Variants in MAN2B1 observed in about 807,000 individuals in gnomAD.
MAN2B1 encodes lysosomal alpha-mannosidase.
MAN2B1 carries 99 observed loss-of-function variants against 127.5 expected under a neutral mutation model. The observed-to-expected ratio is 0.78, with a 90% confidence interval of 0.66 to 0.92. MAN2B1 has a LOEUF of 0.92. Ranked by LOEUF, MAN2B1 falls within the 40% of genes least tolerant of loss-of-function variation. The pLI, the probability that MAN2B1 is intolerant of heterozygous loss-of-function variation, is 0.00. For missense variants in MAN2B1, 1,304 were observed against 1,384.8 expected, an observed-to-expected ratio of 0.94 and a Z score of 0.93; for synonymous variants, 573 against 568.8, an observed-to-expected ratio of 1.01 and a Z score of -0.11.
At chr19:12,650,853 A>G (rs1287403238) in intron 16 of MAN2B1, among the ~76,000 whole-genome samples, 2 of 150,060 alleles carry the variant, frequency 1.3e-5, no homozygotes, top group Non-Finnish European at 2.9e-5. Flanking sequence ...TATTTTTAGT[A>G]GAGACGGGGT....
chr19:12,657,365 T>A, intron 11 of MAN2B1, 81 bp downstream of exon 11: 1 of 1,187,548 alleles, frequency 8.4e-7, no homozygotes, highest in Non-Finnish European at 1.2e-6. Context: ...GCCTCACACC[T>A]GTCTCTGTCC....
intron 11 of MAN2B1, 23 bp from the exon 12 acceptor site, chr19:12,657,079 C>CG: frequency 6.8e-7 from 1 of 1,480,078 alleles, no homozygotes; most frequent in East Asian, 2.3e-5. Flanking sequence ...GCAAAGGGAC[C>CG]GGTGGGTTCA....
At chr19:12,658,643 A>AAAT in intron 7 of MAN2B1, 133 bp from the exon 8 acceptor site, 1 of 827,990 alleles carries the variant, frequency 1.2e-6, no homozygotes. Flanking sequence ...CGTGCAAGCC[A>AAAT]ATGGTTGGGT....
At chr19:12,649,249 C>T in intron 19 of MAN2B1, 33 bp from the exon 20 acceptor site, 1 of 1,608,260 alleles carries the variant, frequency 6.2e-7, no homozygotes, top group Non-Finnish European at 8.5e-7. Context: ...AGAGGGCAGT[C>T]AACCCCAACC....
rs1177229578 is a variant in MAN2B1, at chr19:12,663,332, A to C, written c.894T>G (p.Asn298Lys). ...CCAGGGTTACCTGGGCAGTGGCCACATTTAGGAAGTAATCGACCAGCTCCT... is the reference window on the plus strand; with the variant it reads ...CCAGGGTTACCTGGGCAGTGGCCACCTTTAGGAAGTAATCGACCAGCTCCT... ...NAKELVDYFL[N>K]VATAQGRYYR... The change falls in exon 6 of 24, where the codon AAT becomes AAG. Residue 298 changes from asparagine to lysine, a missense_variant. Coordinates refer to ENST00000456935, the MANE Select transcript of MAN2B1 (RefSeq NM_000528.4). The C allele has an allele frequency of 3.0e-5, 48 of 1,614,198 alleles. No homozygotes were observed. In the East Asian group the frequency reaches 1.1e-3, roughly 36 times the overall value.
chr19:12,663,922 G>C, intron 4 of MAN2B1, 87 bp from the exon 5 acceptor site: 1 of 1,564,054 alleles, frequency 6.4e-7, no homozygotes, highest in Non-Finnish European at 8.8e-7. Flanking sequence ...GGGCAGGTCA[G>C]AGCACAGGTT....
Position 12,649,406 on chromosome 19 carries a change from T to C in MAN2B1, c.2290A>G (p.Lys764Glu), listed in dbSNP as rs1408972645. The part of the protein sequence containing the change: ...ERRRDYRPTW[K>E]LNQTEPVAGN... ...GCCACGGGCTCCGTCTGGTTCAGTT[T>C]CCAGGTGGGTCGATAATCCCGCCTG... is the stretch of plus-strand genomic sequence containing the variant. Residue 764 changes from lysine (K) to glutamate (E), a missense_variant, in exon 19 of 24, where the codon AAA becomes GAA. Coordinates refer to ENST00000456935, the MANE Select transcript of MAN2B1 (RefSeq NM_000528.4). 5 of 1,612,650 alleles carry C rather than the reference T, an allele frequency of 3.1e-6. No homozygotes were observed. The highest frequency in any genetic ancestry group is 4.2e-6 in the Non-Finnish European group (5 of 1,179,522).
At chr19:12,660,851 C>T (rs572689791) in intron 7 of MAN2B1, 7 of 268,290 alleles carry the variant, frequency 2.6e-5, no homozygotes, top group Admixed American at 1.4e-4. Context: ...CTCCGCCTCC[C>T]GGATTCAAGA....
rs781394900 is a variant in MAN2B1, at chr19:12,661,372, C to T, written c.914G>A (p.Arg305Gln). 1.7e-5 allele frequency: 28 copies of T among 1,607,974 alleles called. No homozygotes were observed. Among genetic ancestry groups the T allele is most frequent in the Middle Eastern group, 1.7e-4 (1 of 6,040 alleles). ...YFLNVATAQG[R>Q]YYRTNHTVMT... Reference sequence around the variant, plus strand: ...CACAGTGTGGTTGGTGCGGTAATACCGGCCCTGCAGGCAAGAGGGGAGTCC... The same window carrying T: ...CACAGTGTGGTTGGTGCGGTAATACTGGCCCTGCAGGCAAGAGGGGAGTCC... Residue 305 changes from arginine (R) to glutamine (Q), a missense_variant, in exon 7 of 24, where the codon CGG becomes CAG. Coordinates refer to ENST00000456935, the MANE Select transcript of MAN2B1 (RefSeq NM_000528.4).
intron 14 of MAN2B1, among the ~76,000 whole-genome samples, chr19:12,654,391 G>T (rs1048185821): frequency 6.6e-5 from 10 of 152,140 alleles, no homozygotes; most frequent in Non-Finnish European, 8.8e-5. Context: ...GCCTTCCAGG[G>T]CCAGTGCAGT....
Position 12,648,389 on chromosome 19 carries a change from A to C in MAN2B1, c.2450T>G (p.Leu817Arg). The C allele has an allele frequency of 1.2e-6, 2 of 1,612,344 alleles. No homozygotes were observed. Among genetic ancestry groups the C allele is most frequent in the Non-Finnish European group, 1.7e-6 (2 of 1,178,962 alleles). The change falls in exon 21 of 24, where the codon CTG becomes CGG. Residue 817 changes from leucine to arginine, a missense_variant. Transcript: ENST00000456935. Reference sequence around the variant, plus strand: ...TACTCCGCGTCCATCGTCCTTCAGCAGCCTTCGGTGCACCTGGGGGGAGAG... The same window carrying C: ...TACTCCGCGTCCATCGTCCTTCAGCCGCCTTCGGTGCACCTGGGGGGAGAG... ...GSLELMVHRR[L>R]LKDDGRGVSE...
At chr19:12,661,226 G>A in intron 7 of MAN2B1, 34 bp downstream of exon 7, 1 of 1,485,226 alleles carries the variant, frequency 6.7e-7, no homozygotes, top group Non-Finnish European at 9.4e-7. Context: ...AAGCGCACAT[G>A]TGCACAAGGG....
chr19:12,658,390 A>T (rs1267580356), intron 8 of MAN2B1, 38 bp downstream of exon 8: 1 of 1,614,242 alleles, frequency 6.2e-7, no homozygotes, highest in South Asian at 1.1e-5. Flanking sequence ...CCCACGGGGC[A>T]TGCCAACCCC....
intron 1 of MAN2B1, 39 bp downstream of exon 1, chr19:12,666,503 CT>C (rs1437560133): frequency 6.4e-7 from 1 of 1,559,116 alleles, no homozygotes; most frequent in East Asian, 2.4e-5. Flanking sequence ...CTGGGTTTCA[CT>C]CTGCCTCCTG....
intron 10 of MAN2B1, 126 bp from the exon 11 acceptor site, chr19:12,657,681 G>A: frequency 1.2e-6 from 1 of 863,400 alleles, no homozygotes; most frequent in Non-Finnish European, 1.9e-6. Context: ...GAGGACGGCT[G>A]GGGGCGGTGG....
At position 12,665,506 on chromosome 19, in the gene MAN2B1, G is replaced by A. The variant is rs766810849; in HGVS notation, c.282C>T (p.His94=). The change falls in exon 3 of 24, where the codon CAC becomes CAT. Residue 94 remains histidine (H), a synonymous_variant. Coordinates refer to ENST00000456935, the MANE Select transcript of MAN2B1 (RefSeq NM_000528.4). ...YFYGIKNDIQ[H]AGVQYILDSV... ...AGTCCAGGATGTACTGCACACCGGC[G>A]TGCTGGATGTCATTCTTGACTGTGG... The A allele has an allele frequency of 4.6e-5, 75 of 1,614,062 alleles. No homozygotes were observed. Among genetic ancestry groups the A allele is most frequent in the South Asian group, 1.2e-4 (11 of 91,094 alleles).
In MAN2B1 at chr19:12,664,884, C is replaced by T. The variant is rs2024189870; in HGVS notation, c.538G>A (p.Glu180Lys). 1.2e-6 allele frequency: 2 copies of T among 1,614,028 alleles called. No homozygotes were observed. Among genetic ancestry groups the T allele is most frequent in the East Asian group, 2.2e-5 (1 of 44,892 alleles). ...DQMTLGLRFLEDTFGNDGRPR... is the reference protein window; with the variant it reads ...DQMTLGLRFLKDTFGNDGRPR... ...CGCCCATCATTGCCAAATGTGTCCT[C>T]CAGAAAGCGCAGCCCAAGTGTCATC... The change falls in exon 4 of 24, where the codon GAG (glutamate) becomes AAG (lysine). Residue 180 changes from glutamate to lysine, a missense_variant. Transcript: ENST00000456935.
Position 12,647,624 on chromosome 19 carries a change from TTGGAGAGGGGCGGGGCCTGGA to T in MAN2B1, c.2665-47_2665-27del. On this transcript the variant is annotated intron_variant, in intron 21 of 23. Coordinates refer to ENST00000456935, the MANE Select transcript of MAN2B1 (RefSeq NM_000528.4). The surrounding 1 kb of genome is among the most constrained non-coding windows in gnomAD (Gnocchi z 4.9). ...CTGCGGGAGAGAGGGCGGGGCTGAG[TTGGAGAGGGGCGGGGCCTGGA>T]TGGAGAAGGGCGGGGCCGAGCCAGG... The T allele has an allele frequency of 7.6e-6, 12 of 1,581,322 alleles. No homozygotes were observed. Among genetic ancestry groups the T allele is most frequent in the Non-Finnish European group, 1.0e-5 (12 of 1,166,166 alleles).
intron 16 of MAN2B1, among the ~76,000 whole-genome samples, chr19:12,651,080 G>T (rs764857500): frequency 6.7e-6 from 1 of 150,346 alleles, no homozygotes; most frequent in Non-Finnish European, 1.5e-5. Flanking sequence ...TCCTGCTTCA[G>T]TCTCCCAAAG....
Sources: gnomAD v4.1 joint callset for allele counts (sites outside exome capture counted in the v4.1 genomes callset) on GRCh38, gnomAD v4.1.1 for gene constraint, Gnocchi (gnomAD v3.1) non-coding constraint, MANE v1.5 for transcripts, NCBI Gene and HGNC (gene_info 2026-07-23, HGNC 2026-07-21) for gene names.